Variants in ZNF805 observed in about 807,000 individuals in gnomAD.
ZNF805 encodes zinc finger protein 805, also known as CTC-444N24.8.
ZNF805 carries 7 observed loss-of-function variants against 13.6 expected under a neutral mutation model. The observed-to-expected ratio is 0.51, with a 90% CI of 0.29 to 0.97. The LOEUF is 0.97. Ranked by LOEUF, ZNF805 falls within the 50% of genes least tolerant of loss-of-function variation. The probability of loss-of-function intolerance (pLI) is 0.08; values close to 1 mark genes in which losing one functional copy is unlikely to be tolerated. For synonymous variants in ZNF805, 293 were observed against 279.8 expected, an observed-to-expected ratio of 1.05 and a Z score of -0.47; for missense variants, 604 against 771.0, an observed-to-expected ratio of 0.78 and a Z score of 2.57.
Position 57,255,489 on chromosome 19 carries a change from T to A in ZNF805, c.*786T>A, listed in dbSNP as rs1324634569. Among the ~76,000 whole-genome samples the A allele has an allele frequency of 6.6e-6, 1 of 152,176 alleles. No homozygotes were observed. The highest frequency in any genetic ancestry group is 2.4e-5 in the African/African-American group (1 of 41,472). The stretch of plus-strand genomic sequence containing the variant: ...AGTCTTCCAATTCATGAACATAGCC[T>A]ATCTTTTCATTATTTAAATTTTCTT... On this transcript the variant is annotated 3_prime_UTR_variant, in exon 4 of 4. Coordinates refer to ENST00000414468, the MANE Select transcript of ZNF805 (RefSeq NM_001023563.4).
At chr19:57,244,628 C>T (rs1271101459) in intron 2 of ZNF805, among the ~76,000 whole-genome samples, 2 of 152,092 alleles carry the variant, frequency 1.3e-5, no homozygotes, top group African/African-American at 2.4e-5. Flanking sequence ...GTTTTGCAGA[C>T]CTCAAAGGTA....
chr19:57,253,001 C>A lies in ZNF805; in HGVS notation c.254-72C>A. The A allele has an allele frequency of 2.4e-6, 3 of 1,265,602 alleles. No individual in the cohort carries two copies. Among genetic ancestry groups the A allele is most frequent in the Non-Finnish European group, 3.1e-6 (3 of 976,094 alleles). 78.4% of individuals were successfully genotyped at this position (1,265,602 alleles called of 1,614,324 possible). On this transcript the variant is annotated intron_variant, in intron 3 of 3. Transcript: ENST00000414468. The surrounding 1 kb of genome is among the most constrained non-coding windows in gnomAD (Gnocchi z 4.4). ...ACCATTTATAACTTCATTTTTTTTA[C>A]TGAAGTGGTGAGTTTGTTTCTTCTC...
At chr19:57,246,658 C>T (rs2087620550) in intron 2 of ZNF805, among the ~76,000 whole-genome samples, 1 of 151,850 alleles carries the variant, frequency 6.6e-6, no homozygotes, top group African/African-American at 2.4e-5. Context: ...TGCCTGTAAT[C>T]CCAGCTACTC....
intron 1 of ZNF805, among the ~76,000 whole-genome samples, chr19:57,242,509 A>G (rs1599984253): frequency 6.6e-6 from 1 of 152,250 alleles, no homozygotes; most frequent in Non-Finnish European, 1.5e-5. Flanking sequence ...TTGGCCAGTC[A>G]TAAGCCTGGG....
intron 3 of ZNF805, 92 bp downstream of exon 3, chr19:57,248,792 C>A: frequency 8.5e-7 from 1 of 1,173,346 alleles, no homozygotes; most frequent in Non-Finnish European, 1.2e-6. Context: ...AAGCTTCTCA[C>A]TGTGGCTTCT....
In ZNF805 at chr19:57,249,584, C is replaced by T. The variant is rs529080873; in HGVS notation, c.253+884C>T. ...AACATTGATGAGTGATGATACGTTA[C>T]ATTTCCTTCTGAACTCTGGGGAATA... is the stretch of plus-strand genomic sequence containing the variant. On this transcript the variant is annotated intron_variant, in intron 3 of 3. Transcript: ENST00000414468. Among the ~76,000 whole-genome samples, 224 of 152,300 alleles carry T rather than the reference C, an allele frequency of 1.5e-3. 2 individuals are homozygous for T. The highest frequency in any genetic ancestry group is 3.1e-4 in the Non-Finnish European group (21 of 68,028).
intron 1 of ZNF805, among the ~76,000 whole-genome samples, chr19:57,241,387 C>T (rs530837411): frequency 6.6e-6 from 1 of 152,154 alleles, no homozygotes; most frequent in East Asian, 1.9e-4. Flanking sequence ...GAAAGCCATA[C>T]GTGCTCAGCC....
rs2087674733 is a variant in ZNF805 at position 57,254,504 on chromosome 19, C to T, written c.1685C>T (p.Thr562Ile). The change falls in exon 4 of 4, where the codon ACT becomes ATT. Residue 562 changes from threonine (T) to isoleucine (I), a missense_variant. By Grantham distance (89) the Thr-to-Ile change is moderately conservative. Around this residue, in one of 3 missense-constraint regions of ZNF805, gnomAD observed 228 missense variants for 352.8 expected, o/e 0.65. Transcript: ENST00000414468. ...CTCACTCAGCATCAAAGGATGCATA[C>T]TGGGAGAAATCCTATCAGTGTAACA... ...SSLTQHQRMH[T>I]GRNPISVTDV... 4 of 1,614,226 alleles carry T rather than the reference C, an allele frequency of 2.5e-6. No homozygotes were observed. The highest frequency in any genetic ancestry group is 3.4e-6 in the Non-Finnish European group (4 of 1,180,042).
At chr19:57,241,497 G>A (rs769755723) in intron 1 of ZNF805, among the ~76,000 whole-genome samples, 1 of 152,134 alleles carries the variant, frequency 6.6e-6, no homozygotes, top group Non-Finnish European at 1.5e-5. Flanking sequence ...ATTGCTTGAA[G>A]GATGGATGAA....
chr19:57,244,457 C>T (rs767944645), intron 2 of ZNF805, among the ~76,000 whole-genome samples: 29 of 152,068 alleles, frequency 1.9e-4, no homozygotes, highest in African/African-American at 4.3e-4. Context: ...GTGATCCGCC[C>T]GCCTCGGTCT....
At position 57,261,296 on chromosome 19, in the gene ZNF805, G is replaced by A. The variant is rs373346780; in HGVS notation, c.*6593G>A. The A allele has an allele frequency of 7.8e-5, 13 of 167,124 alleles. No homozygotes were observed. The highest frequency in any genetic ancestry group is 3.1e-4 in the African/African-American group (13 of 41,538). The allele number at this position is 167,124 out of a possible 1,614,324, so 10.4% of individuals were successfully genotyped here. The stretch of plus-strand genomic sequence containing the variant: ...AAGCTATTGTGACTGTAGAAAAGAC[G>A]GAGAATGTCTGGGTTTGAGGATATG... On this transcript the variant is annotated 3_prime_UTR_variant, in exon 4 of 4. Coordinates refer to ENST00000414468, the MANE Select transcript of ZNF805 (RefSeq NM_001023563.4).
chr19:57,253,530 A>T lies in ZNF805; in HGVS notation c.711A>T (p.Gly237=), dbSNP rs766837901. The T allele has an allele frequency of 1.2e-6, 2 of 1,612,674 alleles. No homozygotes were observed. Among genetic ancestry groups the T allele is most frequent in the Non-Finnish European group, 1.7e-6 (2 of 1,179,262 alleles). Reference sequence around the variant, plus strand: ...AGCCCTATGAATGCACAGAGTGTGGAAAAACCTTTAGCAAGAGTACATACC... The same window carrying T: ...AGCCCTATGAATGCACAGAGTGTGGTAAAACCTTTAGCAAGAGTACATACC... The part of the protein sequence containing the change: ...GVKPYECTEC[G]KTFSKSTYLL... Residue 237 remains glycine, a synonymous_variant, in exon 4 of 4, where the codon GGA becomes GGT. Transcript: ENST00000414468. This position sits in a 1 kb window ranked among gnomAD's most constrained non-coding sequence, Gnocchi z 4.4.
intron 3 of ZNF805, among the ~76,000 whole-genome samples, chr19:57,250,091 G>A (rs1445155882): frequency 1.3e-5 from 2 of 152,246 alleles, no homozygotes; most frequent in African/African-American, 2.4e-5. Flanking sequence ...AGGCAGATTA[G>A]GGGACTGGCC....
rs1484087488 is a variant in ZNF805 at position 57,257,640 on chromosome 19, G to A, written c.*2937G>A. Among the ~76,000 whole-genome samples, 1 of 148,422 alleles carries A rather than the reference G, an allele frequency of 6.7e-6. No homozygotes were observed. The highest frequency in any genetic ancestry group is 1.5e-5 in the Non-Finnish European group (1 of 67,244). On this transcript the variant is annotated 3_prime_UTR_variant, in exon 4 of 4. Coordinates refer to ENST00000414468, the MANE Select transcript of ZNF805 (RefSeq NM_001023563.4). ...CCTTATCTATATCACTATATTGGGA[G>A]TAAGTTTCTTGTGAATGGCGTATAT...
rs1202557680 is a variant in ZNF805 at position 57,257,832 on chromosome 19, G to C, written c.*3129G>C. Among the ~76,000 whole-genome samples, 2 of 148,954 alleles carry C rather than the reference G, an allele frequency of 1.3e-5. No homozygotes were observed. Among genetic ancestry groups the C allele is most frequent in the Admixed American group, 1.4e-4 (2 of 14,598 alleles). ...AGTGATTCTCCTGCCTCAGGCTCTT[G>C]AGTAGCTGGGATTACAGGCATCCGC... On this transcript the variant is annotated 3_prime_UTR_variant, in exon 4 of 4. Coordinates refer to ENST00000414468, the MANE Select transcript of ZNF805 (RefSeq NM_001023563.4).
chr19:57,241,330 T>G (rs1203071822), intron 1 of ZNF805, among the ~76,000 whole-genome samples: 1 of 152,036 alleles, frequency 6.6e-6, no homozygotes, highest in Non-Finnish European at 1.5e-5. Context: ...GATTTGTAAC[T>G]GACTGTTCTA....
intron 3 of ZNF805, among the ~76,000 whole-genome samples, chr19:57,251,633 T>TG (rs1365076681): frequency 9.0e-6 from 1 of 111,626 alleles, no homozygotes; most frequent in African/African-American, 3.2e-5. Flanking sequence ...GTCTGATTTA[T>TG]GTTTTTTTTT....
intron 1 of ZNF805, among the ~76,000 whole-genome samples, chr19:57,241,424 T>C (rs886217062): frequency 2.6e-5 from 4 of 152,064 alleles, no homozygotes; most frequent in Non-Finnish European, 4.4e-5. Flanking sequence ...ATGCCCCACT[T>C]CTAGTTAGCC....
At position 57,253,385 on chromosome 19, in the gene ZNF805, G is replaced by C. The variant is rs1174479593; in HGVS notation, c.566G>C (p.Gly189Ala). The C allele has an allele frequency of 2.6e-6, 4 of 1,560,852 alleles. No individual in the cohort carries two copies. The highest frequency in any genetic ancestry group is 3.9e-5 in the Admixed American group (2 of 51,746). ...GATGTCCATGACTGTGACTCACATG[G>C]ATCAGGTAAAAATCCAGTTATTCAG... ...GDDVHDCDSH[G>A]SGKNPVIQEE... The change falls in exon 4 of 4, where the codon GGA (glycine) becomes GCA (alanine). Residue 189 changes from glycine (G) to alanine (A), a missense_variant. Transcript: ENST00000414468. The surrounding 1 kb of genome is among the most constrained non-coding windows in gnomAD (Gnocchi z 4.4).
Sources: allele counts gnomAD v4.1 joint callset (sites outside exome capture counted in the v4.1 genomes callset), GRCh38; gene constraint gnomAD v4.1.1; regional missense constraint gnomAD v4.1.1; non-coding constraint Gnocchi (gnomAD v3.1); transcripts MANE v1.5; gene names NCBI Gene and HGNC (gene_info 2026-07-23, HGNC 2026-07-21).